The following TAS1R2 variants were observed in gnomAD, a reference collection of about 807,000 sequenced individuals.
TAS1R2 encodes taste receptor type 1 member 2.
In TAS1R2, 47 loss-of-function variants were observed where a neutral mutation model predicts 49.3. That is an observed-to-expected ratio of 0.95 (90% CI 0.75 to 1.22). TAS1R2 has a LOEUF of 1.22. TAS1R2 is among the 50% of genes most tolerant of loss of function. The pLI is 0.00. For missense variants in TAS1R2, 1,155 were observed against 1,122.1 expected (o/e 1.03, Z -0.42); for synonymous variants, 479 against 467.9 (o/e 1.02, Z -0.31).
chr1:18,844,642 T>C (rs1933883651), intron 4 of TAS1R2, among the ~76,000 whole-genome samples: 1 of 152,152 alleles, frequency 6.6e-6, no homozygotes, highest in African/African-American at 2.4e-5. Context: ...TAATCCCAGC[T>C]ACTTGGGAGG....
rs189775458 is a variant in TAS1R2, at chr1:18,854,528, C to T, written c.942G>A (p.Thr314=). The T allele has an allele frequency of 9.6e-5, 155 of 1,613,848 alleles. 1 individual carries two copies. The East Asian group carries it at 2.4e-3, about 25-fold the overall frequency. The stretch of plus-strand genomic sequence containing the variant: ...GGAAGGTGCCCAAGTGGCGCAGCTC[C>T]GTGAGGTTGTGCAGGACCGGGTCGA... Residue 314 remains threonine (T), a synonymous_variant, in exon 3 of 6, where the codon ACG becomes ACA. Transcript: ENST00000375371. This position sits in a 1 kb window ranked among gnomAD's most constrained non-coding sequence, Gnocchi z 4.9.
At chr1:18,851,474 C>T (rs969508071) in intron 3 of TAS1R2, among the ~76,000 whole-genome samples, 7 of 152,256 alleles carry the variant, frequency 4.6e-5, no homozygotes, top group South Asian at 2.1e-4. Context: ...GGATTACAGA[C>T]GCCCTCCACT....
Position 18,854,099 on chromosome 1 carries a change from G to A in TAS1R2, c.1257+114C>T, listed in dbSNP as rs1569674548. The A allele has an allele frequency of 9.6e-7, 1 of 1,040,666 alleles. No individual in the cohort carries two copies. The highest frequency in any genetic ancestry group is 1.7e-5 in the South Asian group (1 of 60,370). The allele number at this position is 1,040,666 out of a possible 1,614,324, so 64.5% of individuals were successfully genotyped here. A position where few individuals can be genotyped will look rare whatever the true frequency, so the allele number is the denominator to read the frequency against. ...TTTGTTTTGGCACCAGGAAGGACTA[G>A]TGCTATGTGTCTGGAAGAATGGGAT... is the stretch of plus-strand genomic sequence containing the variant. On this transcript the variant is annotated intron_variant, in intron 3 of 5. Coordinates refer to ENST00000375371, the Ensembl canonical transcript of TAS1R2. The surrounding 1 kb of genome is among the most constrained non-coding windows in gnomAD (Gnocchi z 4.9).
chr1:18,853,924 T>C (rs2100520363), intron 3 of TAS1R2, among the ~76,000 whole-genome samples: 1 of 152,282 alleles, frequency 6.6e-6, no homozygotes, highest in East Asian at 1.9e-4. Context: ...CACAAGCCCG[T>C]CCCAGGCTCT....
At chr1:18,843,148 A>T (rs1268185838) in intron 4 of TAS1R2, among the ~76,000 whole-genome samples, 1 of 152,206 alleles carries the variant, frequency 6.6e-6, no homozygotes, top group Non-Finnish European at 1.5e-5. Context: ...TCTCGATCTC[A>T]ATGTAGTCCA....
At chr1:18,840,958 A>G (rs1468561538) in intron 5 of TAS1R2, among the ~76,000 whole-genome samples, 1 of 152,188 alleles carries the variant, frequency 6.6e-6, no homozygotes, top group Non-Finnish European at 1.5e-5. Context: ...CCACAGAGAG[A>G]TGGATAAAAC....
chr1:18,856,851 T>C (rs1280899919), intron 2 of TAS1R2, among the ~76,000 whole-genome samples: 1 of 152,230 alleles, frequency 6.6e-6, no homozygotes, highest in Non-Finnish European at 1.5e-5. Flanking sequence ...ATCACCCTTT[T>C]GTGAGGACCT....
At chr1:18,849,671 G>A in intron 3 of TAS1R2, 121 bp from the exon 4 acceptor site, 1 of 1,128,848 alleles carries the variant, frequency 8.9e-7, no homozygotes, top group Non-Finnish European at 1.3e-6. Context: ...GTAATATGGA[G>A]GCAATAAATC....
In TAS1R2 at chr1:18,854,880, A is replaced by G; in HGVS notation, c.590T>C (p.Leu197Pro). 1 of 1,612,686 alleles carries G rather than the reference A, an allele frequency of 6.2e-7. No individual in the cohort carries two copies. Residue 197 changes from leucine (L) to proline (P), a missense_variant, in exon 3 of 6, where the codon CTG (leucine) becomes CCG (proline). Transcript: ENST00000375371. This position sits in a 1 kb window ranked among gnomAD's most constrained non-coding sequence, Gnocchi z 4.9. The stretch of plus-strand genomic sequence containing the variant: ...CCAGTTCCAGCGGAAGTGCAGCATC[A>G]GCTGCACCATGGCCTCGATGTGGTG...
At chr1:18,858,643 G>C (rs1041906047) in intron 1 of TAS1R2, among the ~76,000 whole-genome samples, 1 of 151,854 alleles carries the variant, frequency 6.6e-6, no homozygotes, top group Non-Finnish European at 1.5e-5. Context: ...ATCATCACCA[G>C]TATTACTGTT....
chr1:18,839,894 C>G, exon 6 of TAS1R2: 1 of 1,614,200 alleles, frequency 6.2e-7, no homozygotes, highest in Non-Finnish European at 8.5e-7. Flanking sequence ...GAAGCTGAAA[C>G]CCACCACTGA....
rs1472998091 is a variant in TAS1R2 at position 18,849,233 on chromosome 1, G to C, written c.1467+108C>G. 9 of 1,174,740 alleles carry C rather than the reference G, an allele frequency of 7.7e-6. No homozygotes were observed. In the East Asian group the frequency reaches 1.5e-4, roughly 19 times the overall value. 72.8% of individuals were successfully genotyped at this position (1,174,740 alleles called of 1,614,324 possible). A position where few individuals can be genotyped will look rare whatever the true frequency, so the allele number is the denominator to read the frequency against. On this transcript the variant is annotated intron_variant, in intron 4 of 5. Coordinates refer to ENST00000375371, the Ensembl canonical transcript of TAS1R2. ...ACAAATAGACATCCCCCCAGAGATT[G>C]ATAAAGCATCTCCAGGCTCTGTCCC...
intron 4 of TAS1R2, 171 bp downstream of exon 4, chr1:18,849,170 A>AT (rs770194013): frequency 6.9e-6 from 5 of 724,282 alleles, no homozygotes; most frequent in Non-Finnish European, 1.1e-5. Context: ...ATAGTTCCCA[A>AT]TCAATGGGGG....
intron 3 of TAS1R2, among the ~76,000 whole-genome samples, chr1:18,853,614 A>G (rs1934071009): frequency 6.6e-6 from 1 of 152,208 alleles, no homozygotes. Context: ...GCAGGGTGGG[A>G]GGCTGGCCCC....
chr1:18,848,522 C>T (rs753879216), intron 4 of TAS1R2, among the ~76,000 whole-genome samples: 6 of 151,090 alleles, frequency 4.0e-5, no homozygotes, highest in Non-Finnish European at 7.4e-5. Flanking sequence ...CCCTAATCCC[C>T]GGGACACAGA....
intron 3 of TAS1R2, among the ~76,000 whole-genome samples, chr1:18,852,031 T>C (rs1934038001): frequency 6.6e-6 from 1 of 152,218 alleles, no homozygotes; most frequent in South Asian, 2.1e-4. Context: ...CATTCATTCA[T>C]CCAATATTCA....
In TAS1R2 at chr1:18,854,564, C is replaced by T. The variant is rs530977270; in HGVS notation, c.906G>A (p.Glu302=). 2 of 1,613,694 alleles carry T rather than the reference C, an allele frequency of 1.2e-6. No individual in the cohort carries two copies. Among genetic ancestry groups the T allele is most frequent in the Non-Finnish European group, 1.7e-6 (2 of 1,179,858 alleles). ...GCAGGACCGGGTCGATGGCCCAGGACTCGGAGGCGATCCACACGGCGCCAG... is the reference window on the plus strand; with the variant it reads ...GCAGGACCGGGTCGATGGCCCAGGATTCGGAGGCGATCCACACGGCGCCAG... Residue 302 remains glutamate (E), a synonymous_variant, in exon 3 of 6, where the codon GAG becomes GAA. Transcript: ENST00000375371. The surrounding 1 kb of genome is among the most constrained non-coding windows in gnomAD (Gnocchi z 4.9).
chr1:18,843,119 G>A (rs6662718), intron 4 of TAS1R2, among the ~76,000 whole-genome samples: 146,598 of 152,288 alleles, frequency 0.96, 70,607 homozygotes, highest in East Asian at 1. Flanking sequence ...CTATCTTATC[G>A]TAGAGTTTAC....
In TAS1R2 at chr1:18,854,473, G is replaced by T. The variant is rs759410390; in HGVS notation, c.997C>A (p.Pro333Thr). 6 of 1,614,166 alleles carry T rather than the reference G, an allele frequency of 3.7e-6. No individual in the cohort carries two copies. Among genetic ancestry groups the T allele is most frequent in the Non-Finnish European group, 5.1e-6 (6 of 1,180,026 alleles). The change falls in exon 3 of 6, where the codon CCG becomes ACG. Residue 333 changes from proline to threonine, a missense_variant. By Grantham distance (38) the Pro-to-Thr change is conservative (BLOSUM62 -1). Transcript: ENST00000375371. The surrounding 1 kb of genome is among the most constrained non-coding windows in gnomAD (Gnocchi z 4.9). ...CACTCGCGGAACTCACTGAAGCCCG[G>T]GATGGGCACGCTCTGGATGGTGATG...
Sources: allele counts gnomAD v4.1 joint callset (sites outside exome capture counted in the v4.1 genomes callset), GRCh38; gene constraint gnomAD v4.1.1; non-coding constraint Gnocchi (gnomAD v3.1); transcripts MANE v1.5; gene names NCBI Gene and HGNC (gene_info 2026-07-23, HGNC 2026-07-21).